LRP1B: variants seen among roughly 807,000 people sequenced by gnomAD.
LRP1B encodes low-density lipoprotein receptor-related protein 1B.
In LRP1B, 217 loss-of-function variants were observed where a neutral mutation model predicts 556.6. The observed-to-expected ratio is 0.39, with a 90% CI of 0.35 to 0.44. The LOEUF (loss-of-function observed/expected upper bound fraction) is 0.44, where lower values mean the gene tolerates loss of function less well. Among genes scored for constraint, LRP1B ranks in the 20% least tolerant of loss-of-function variants. The probability of loss-of-function intolerance (pLI) is 1.00; values close to 1 mark genes in which losing one functional copy is unlikely to be tolerated. For missense variants in LRP1B, 5,053 were observed against 5,620.8 expected, an observed-to-expected ratio of 0.90 and a Z score of 3.23; for synonymous variants, 2,047 against 1,865.8, an observed-to-expected ratio of 1.10 and a Z score of -2.50.
chr2:141,151,146 G>T (rs1461237656), intron 7 of LRP1B, among the ~76,000 whole-genome samples: 1 of 152,058 alleles, frequency 6.6e-6, no homozygotes, highest in Admixed American at 6.6e-5. Context: ...TAAAATAATG[G>T]TTTATTTCTA....
At chr2:141,128,062 C>T (rs1425306882) in intron 7 of LRP1B, among the ~76,000 whole-genome samples, 1 of 152,078 alleles carries the variant, frequency 6.6e-6, no homozygotes, top group Admixed American at 6.6e-5. Flanking sequence ...CTCATTGTAA[C>T]CTCAAACACC....
At chr2:141,311,783 T>C (rs12615230) in intron 3 of LRP1B, among the ~76,000 whole-genome samples, 15,941 of 152,214 alleles carry the variant, frequency 0.1, 1,000 homozygotes, top group East Asian at 0.16. Context: ...TCCAGAATTG[T>C]AAGAATAAAT....
At chr2:140,807,668 T>C (rs538471774) in intron 32 of LRP1B, among the ~76,000 whole-genome samples, 4 of 152,018 alleles carry the variant, frequency 2.6e-5, no homozygotes, top group African/African-American at 9.6e-5. Context: ...AGTATTTTTA[T>C]AAAAGAAAAT....
chr2:141,703,856 A>G (rs1692045881), intron 2 of LRP1B, among the ~76,000 whole-genome samples: 1 of 151,938 alleles, frequency 6.6e-6, no homozygotes. Flanking sequence ...ATCAGTTTAG[A>G]TAGTAACTCG....
At chr2:140,427,903 G>A (rs1685733447) in intron 66 of LRP1B, among the ~76,000 whole-genome samples, 2 of 152,098 alleles carry the variant, frequency 1.3e-5, no homozygotes, top group Non-Finnish European at 2.9e-5. Context: ...CCGGCTTACA[G>A]TTTCATGCCG....
intron 7 of LRP1B, among the ~76,000 whole-genome samples, chr2:141,141,741 C>T (rs1701658012): frequency 6.6e-6 from 1 of 152,078 alleles, no homozygotes; most frequent in African/African-American, 2.4e-5. Flanking sequence ...ATGAAACAGT[C>T]ACCAAGAATA....
At chr2:140,320,653 C>T (rs1434414016) in intron 82 of LRP1B, among the ~76,000 whole-genome samples, 1 of 151,930 alleles carries the variant, frequency 6.6e-6, no homozygotes, top group Non-Finnish European at 1.5e-5. Context: ...GTCTCGAACC[C>T]CTGGGTTCAA....
intron 1 of LRP1B, among the ~76,000 whole-genome samples, chr2:141,952,849 G>T (rs1701145451): frequency 6.6e-6 from 1 of 152,082 alleles, no homozygotes. Flanking sequence ...TAGTTTTTAT[G>T]TTTCAATGAA....
At chr2:140,334,764 C>T (rs974384210) in intron 78 of LRP1B, among the ~76,000 whole-genome samples, 2 of 151,970 alleles carry the variant, frequency 1.3e-5, no homozygotes, top group African/African-American at 4.8e-5. Flanking sequence ...TGCCTACACA[C>T]GTTAATATTT....
intron 3 of LRP1B, among the ~76,000 whole-genome samples, chr2:141,446,965 C>T (rs1408499305): frequency 6.6e-6 from 1 of 152,092 alleles, no homozygotes; most frequent in East Asian, 1.9e-4. Context: ...GCATGACATG[C>T]TAGGTTGGGG....
At chr2:141,291,034 G>GT (rs1051229365) in intron 3 of LRP1B, among the ~76,000 whole-genome samples, 111 of 152,004 alleles carry the variant, frequency 7.3e-4, no homozygotes, top group African/African-American at 2.6e-3. Context: ...GGAAAAAAAG[G>GT]TAAAAAAAAT....
chr2:140,381,068 G>A (rs573859703), intron 67 of LRP1B, among the ~76,000 whole-genome samples: 136 of 152,070 alleles, frequency 8.9e-4, no homozygotes, highest in Non-Finnish European at 1.6e-3. Context: ...TCAAGGAATA[G>A]GGTACCAAGT....
intron 59 of LRP1B, among the ~76,000 whole-genome samples, chr2:140,478,228 C>T (rs1281576609): frequency 6.8e-6 from 1 of 147,372 alleles, no homozygotes; most frequent in South Asian, 2.2e-4. Context: ...CGGCTCACTG[C>T]AGCCTCCGCC....
intron 3 of LRP1B, among the ~76,000 whole-genome samples, chr2:141,264,348 GA>G (rs1684809178): frequency 6.6e-6 from 1 of 152,074 alleles, no homozygotes; most frequent in Admixed American, 6.5e-5. Context: ...ATTTCAAAAA[GA>G]AAAAGCAAAA....
chr2:142,074,731 A>C (rs1294735643), intron 1 of LRP1B, among the ~76,000 whole-genome samples: 2 of 152,050 alleles, frequency 1.3e-5, no homozygotes, highest in Non-Finnish European at 2.9e-5. Context: ...CTCCTGAACT[A>C]TCTATATATT....
In LRP1B at chr2:142,015,853, G is replaced by A. The variant is rs374836722; in HGVS notation, c.82+114795C>T. On this transcript the variant is annotated intron_variant, in intron 1 of 90. Transcript: ENST00000389484. ...CTAAAATACAAAAAATTAGCCGGGC[G>A]TGGTGGCGGGCGCCTGTAGTCCCAG... Among the ~76,000 whole-genome samples the A allele has an allele frequency of 2.1e-3, 314 of 151,850 alleles. 2 individuals are homozygous for A. The highest frequency in any genetic ancestry group is 6.6e-3 in the African/African-American group (275 of 41,472).
chr2:140,748,092 A>AATATATAT (rs757456196), intron 35 of LRP1B, among the ~76,000 whole-genome samples: 2 of 6,950 alleles, frequency 2.9e-4, no homozygotes, highest in African/African-American at 1.1e-3. Context: ...AAGTCCTATG[A>AATATATAT]ATATATATAT....
intron 3 of LRP1B, among the ~76,000 whole-genome samples, chr2:141,412,573 C>G (rs1403929438): frequency 6.6e-6 from 1 of 152,150 alleles, no homozygotes; most frequent in Non-Finnish European, 1.5e-5. Context: ...GTACTCAACA[C>G]AGCTAGAAAA....
intron 2 of LRP1B, among the ~76,000 whole-genome samples, chr2:141,544,319 C>CTTCTTCTT (rs1685411419): frequency 2.8e-4 from 12 of 42,958 alleles, no homozygotes; most frequent in South Asian, 1.9e-3. Flanking sequence ...TCTTCTTCTT[C>CTTCTTCTT]TTCTTCTTCT....
Sources: allele counts gnomAD v4.1 joint callset (sites outside exome capture counted in the v4.1 genomes callset), GRCh38; gene constraint gnomAD v4.1.1; transcripts MANE v1.5; gene names NCBI Gene and HGNC (gene_info 2026-07-23, HGNC 2026-07-21).